COPS2: variants seen among roughly 807,000 people sequenced by gnomAD.
The protein encoded by COPS2 is COP9 signalosome subunit 2.
Under a neutral mutation model 66.1 loss-of-function variants are expected in COPS2, and 10 were observed. The observed-to-expected ratio is 0.15, with a 90% CI of 0.09 to 0.26. The LOEUF (loss-of-function observed/expected upper bound fraction) is 0.26, where lower values mean the gene tolerates loss of function less well. Ranked by LOEUF, COPS2 falls within the 10% of genes least tolerant of loss-of-function variation. The probability of loss-of-function intolerance (pLI) is 1.00; values close to 1 mark genes in which losing one functional copy is unlikely to be tolerated. For synonymous variants in COPS2, 179 were observed against 171.3 expected (o/e 1.04, Z -0.35); for missense variants, 215 against 513.3 (o/e 0.42, Z 5.62).
At chr15:49,147,148 G>A (rs181723824) in intron 1 of COPS2, among the ~76,000 whole-genome samples, 1 of 152,180 alleles carries the variant, frequency 6.6e-6, no homozygotes, top group Admixed American at 6.5e-5. Context: ...GTTTTATTAA[G>A]TTGGAACAAA....
At chr15:49,137,978 A>G (rs1421002036) in intron 4 of COPS2, 1 of 152,302 alleles carries the variant, frequency 6.6e-6, no homozygotes, top group African/African-American at 2.4e-5. Flanking sequence ...TGTGGCAAAC[A>G]CTAAGCATGC....
At chr15:49,131,454 A>G (rs994463968) in intron 9 of COPS2, among the ~76,000 whole-genome samples, 10 of 151,492 alleles carry the variant, frequency 6.6e-5, no homozygotes, top group African/African-American at 2.4e-4. Context: ...GTAAAGCTCT[A>G]TGGGAATTGC....
chr15:49,132,866 C>G (rs955382273), intron 9 of COPS2, among the ~76,000 whole-genome samples: 7 of 151,964 alleles, frequency 4.6e-5, no homozygotes, highest in Non-Finnish European at 8.8e-5. Context: ...ATGGTAGGTT[C>G]TTCAGTGGTT....
At chr15:49,147,411 A>G (rs2084328236) in intron 1 of COPS2, among the ~76,000 whole-genome samples, 1 of 152,154 alleles carries the variant, frequency 6.6e-6, no homozygotes, top group Non-Finnish European at 1.5e-5. Context: ...TAGAAAAAAC[A>G]ATTAGGTCAG....
At chr15:49,139,810 T>C (rs908191202) in intron 3 of COPS2, among the ~76,000 whole-genome samples, 157 bp from the exon 4 acceptor site, 2 of 152,188 alleles carry the variant, frequency 1.3e-5, no homozygotes, top group Non-Finnish European at 1.5e-5. Flanking sequence ...GACAGGAACA[T>C]TGTAATTACC....
intron 12 of COPS2, 134 bp from the exon 13 acceptor site, chr15:49,128,228 T>TA: frequency 1.4e-6 from 1 of 726,098 alleles, no homozygotes; most frequent in East Asian, 2.7e-5. Flanking sequence ...AGTTCAGTGT[T>TA]AGTTTTAACT....
At chr15:49,148,035 C>T (rs1289090828) in intron 1 of COPS2, among the ~76,000 whole-genome samples, 2 of 152,146 alleles carry the variant, frequency 1.3e-5, no homozygotes, top group Admixed American at 1.3e-4. Context: ...TCATTTGCAC[C>T]CCACTGAATC....
At chr15:49,138,945 T>C (rs1389270041) in intron 4 of COPS2, among the ~76,000 whole-genome samples, 1 of 152,184 alleles carries the variant, frequency 6.6e-6, no homozygotes, top group Non-Finnish European at 1.5e-5. Context: ...CAAAAATATA[T>C]ATAAAATAAT....
rs748471326 is a variant in COPS2, at chr15:49,132,571, C to CAA, written c.947+1186_947+1187dup. 3.4e-3 allele frequency among the ~76,000 whole-genome samples: 205 copies of CAA among 59,740 alleles called. 2 individuals carry two copies. The highest frequency in any genetic ancestry group is 0.01 in the Middle Eastern group (1 of 98). The allele number at this position is 59,740 out of a possible 152,430, so 39.2% of individuals were successfully genotyped here. A position where few individuals can be genotyped will look rare whatever the true frequency, so the allele number is the denominator to read the frequency against. On this transcript the variant is annotated intron_variant, in intron 9 of 12. Coordinates refer to ENST00000388901, the MANE Select transcript of COPS2 (RefSeq NM_004236.4). ...CACCTAAATTATTTACATATATCTG[C>CAA]AAAAAAAAAAAAAAAAAAAAAAGCC...
At chr15:49,140,002 T>C (rs1434730588) in intron 3 of COPS2, among the ~76,000 whole-genome samples, 1 of 152,190 alleles carries the variant, frequency 6.6e-6, no homozygotes, top group Non-Finnish European at 1.5e-5. Flanking sequence ...TTTCTTTTTT[T>C]TTGAGACAGA....
chr15:49,144,605 C>T (rs899222738), intron 2 of COPS2, among the ~76,000 whole-genome samples: 1 of 151,872 alleles, frequency 6.6e-6, no homozygotes, highest in Admixed American at 6.6e-5. Context: ...AAAAATAATC[C>T]GTAAGTGTAT....
In COPS2 at chr15:49,126,959, G is replaced by T. The variant is rs2084171532; in HGVS notation, c.*991C>A. The T allele has an allele frequency of 6.6e-6, 1 of 152,102 alleles. No homozygotes were observed. The highest frequency in any genetic ancestry group is 2.4e-5 in the African/African-American group (1 of 41,428). 9.4% of individuals were successfully genotyped at this position (152,102 alleles called of 1,614,324 possible). On this transcript the variant is annotated 3_prime_UTR_variant, in exon 13 of 13. Coordinates refer to ENST00000388901, the MANE Select transcript of COPS2 (RefSeq NM_004236.4). Reference sequence around the variant, plus strand: ...GTAAACTCAGCAGGTTTTGGGCAATGGTAGATTGCTGGCATTAGGAAATAA... The same window carrying T: ...GTAAACTCAGCAGGTTTTGGGCAATTGTAGATTGCTGGCATTAGGAAATAA...
At chr15:49,137,927 G>C (rs1263842274) in intron 4 of COPS2, 1 of 152,954 alleles carries the variant, frequency 6.5e-6, no homozygotes, top group Non-Finnish European at 1.5e-5. Flanking sequence ...ATTACTAACA[G>C]TGTATATCTT....
At chr15:49,140,349 T>G (rs2084282651) in intron 3 of COPS2, among the ~76,000 whole-genome samples, 1 of 152,144 alleles carries the variant, frequency 6.6e-6, no homozygotes, top group African/African-American at 2.4e-5. Flanking sequence ...ATTAGCTATA[T>G]TCTTCCCTGT....
chr15:49,147,180 T>C (rs187370708), intron 1 of COPS2, among the ~76,000 whole-genome samples: 265 of 152,292 alleles, frequency 1.7e-3, no homozygotes, highest in African/African-American at 6.0e-3. Flanking sequence ...TTACCATATA[T>C]GATTTATCAT....
Position 49,147,109 on chromosome 15 carries a change from T to C in COPS2, c.55-2031A>G, listed in dbSNP as rs189002498. 1.4e-4 allele frequency among the ~76,000 whole-genome samples: 22 copies of C among 152,300 alleles called. No individual in the cohort carries two copies. The East Asian group carries it at 4.2e-3, about 29-fold the overall frequency. On this transcript the variant is annotated intron_variant, in intron 1 of 12. Transcript: ENST00000388901. ...AATCACAGCTATAAAACCTACTCTA[T>C]GCCTTCGGAAATCAGCTCTTTTCTA...
intron 11 of COPS2, 97 bp downstream of exon 11, chr15:49,129,380 A>G (rs906183490): frequency 2.2e-6 from 1 of 447,560 alleles, no homozygotes; most frequent in African/African-American, 2.1e-5. Flanking sequence ...TTATAATAAA[A>G]TGTTACCAAG....
At chr15:49,144,783 C>A (rs563022305) in intron 2 of COPS2, among the ~76,000 whole-genome samples, 182 bp downstream of exon 2, 2 of 152,274 alleles carry the variant, frequency 1.3e-5, no homozygotes, top group South Asian at 4.1e-4. Context: ...CCATAGACAG[C>A]TTGATTGGAA....
intron 12 of COPS2, among the ~76,000 whole-genome samples, 170 bp from the exon 13 acceptor site, chr15:49,128,264 A>G (rs1346712246): frequency 1.3e-5 from 2 of 152,250 alleles, no homozygotes; most frequent in Non-Finnish European, 2.9e-5. Flanking sequence ...AACTCTAGAT[A>G]GAAACCAGAT....
Sources: gnomAD v4.1 joint callset for allele counts (sites outside exome capture counted in the v4.1 genomes callset) on GRCh38, gnomAD v4.1.1 for gene constraint, MANE v1.5 for transcripts, NCBI Gene and HGNC (gene_info 2026-07-23, HGNC 2026-07-21) for gene names.